Variants in NALF1 observed in about 807,000 individuals in gnomAD.
The protein encoded by NALF1 is family with sequence similarity 155 member A.
NALF1 carries 3 observed loss-of-function variants against 48.4 expected under a neutral mutation model. The ratio of observed to expected loss-of-function variants is 0.06; its 90% CI spans 0.03 to 0.16. The LOEUF is 0.16. NALF1 is among the 10% of genes least tolerant of loss of function. The probability of loss-of-function intolerance (pLI) is 1.00; values close to 1 mark genes in which losing one functional copy is unlikely to be tolerated. For missense variants in NALF1, 526 were observed against 571.5 expected (o/e 0.92, Z 0.81); for synonymous variants, 262 against 245.7 (o/e 1.07, Z -0.62).
In NALF1 at chr13:107,170,610, G is replaced by T; in HGVS notation, c.1264C>A (p.Leu422Ile). 7 of 1,614,218 alleles carry T rather than the reference G, an allele frequency of 4.3e-6. No homozygotes were observed. The highest frequency in any genetic ancestry group is 5.9e-6 in the Non-Finnish European group (7 of 1,180,040). ...LCNSRLKLCV[L>I]VLILLHTVLT... ...ACTGTGTGTAAGAGAATCAGTACAA[G>T]AACACACAGCTTGAGTCTGCTGTTG... The change falls in exon 3 of 3, where the codon CTT (leucine) becomes ATT (isoleucine). Residue 422 changes from leucine (L) to isoleucine (I), a missense_variant. Leu to Ile is a conservative substitution (Grantham distance 5). This residue lies in a region of NALF1 where 153 missense variants were observed against 215.9 expected (regional missense o/e 0.71). Coordinates refer to ENST00000375915, the MANE Select transcript of NALF1 (RefSeq NM_001080396.3).
At chr13:107,694,882 T>A (rs971793066) in intron 1 of NALF1, among the ~76,000 whole-genome samples, 1 of 151,902 alleles carries the variant, frequency 6.6e-6, no homozygotes, top group African/African-American at 2.4e-5. Context: ...AACCTCTGCC[T>A]CCCAGGTTCA....
chr13:107,852,848 T>C (rs987192763), intron 1 of NALF1, among the ~76,000 whole-genome samples: 2 of 152,204 alleles, frequency 1.3e-5, no homozygotes, highest in African/African-American at 2.4e-5. Context: ...ACAATGGAGA[T>C]AGCATTCCAC....
intron 1 of NALF1, among the ~76,000 whole-genome samples, chr13:107,437,930 T>G (rs1378804894): frequency 6.6e-6 from 1 of 152,216 alleles, no homozygotes; most frequent in African/African-American, 2.4e-5. Flanking sequence ...AGTATACTGA[T>G]GTCAGTTTGA....
intron 1 of NALF1, among the ~76,000 whole-genome samples, chr13:107,354,090 T>C (rs1458742037): frequency 6.6e-6 from 1 of 151,950 alleles, no homozygotes; most frequent in Non-Finnish European, 1.5e-5. Flanking sequence ...GCCCTAATTC[T>C]TCAACTACAA....
At chr13:107,526,546 A>G (rs1876450525) in intron 1 of NALF1, among the ~76,000 whole-genome samples, 1 of 152,146 alleles carries the variant, frequency 6.6e-6, no homozygotes, top group Admixed American at 6.5e-5. Flanking sequence ...TAGAGGATTG[A>G]GTTGCATTCT....
Position 107,274,443 on chromosome 13 carries a change from T to C in NALF1, c.916-63688A>G, listed in dbSNP as rs77793113. On this transcript the variant is annotated intron_variant, in intron 1 of 2. Transcript: ENST00000375915. ...TTTTTAAATTACTTGGGCATGGCAG[T>C]GCCAACTCCATGGGAAGTTCAGGCA... is the stretch of plus-strand genomic sequence containing the variant. 7.5e-3 allele frequency among the ~76,000 whole-genome samples: 1,147 copies of C among 152,248 alleles called. 12 individuals are homozygous for C. Among genetic ancestry groups the C allele is most frequent in the African/African-American group, 0.026 (1,086 of 41,548 alleles).
intron 1 of NALF1, among the ~76,000 whole-genome samples, chr13:107,479,942 T>A (rs1166911024): frequency 6.6e-6 from 1 of 152,056 alleles, no homozygotes; most frequent in African/African-American, 2.4e-5. Context: ...TTTACCTTCA[T>A]GAAAAGTGGT....
At chr13:107,448,773 T>C (rs139339565) in intron 1 of NALF1, among the ~76,000 whole-genome samples, 209 of 152,328 alleles carry the variant, frequency 1.4e-3, no homozygotes, top group Non-Finnish European at 1.8e-3. Context: ...AGTGGCACAA[T>C]AGATATACAA....
At chr13:107,228,029 T>G (rs1178152776) in intron 1 of NALF1, among the ~76,000 whole-genome samples, 1 of 152,224 alleles carries the variant, frequency 6.6e-6, no homozygotes, top group Non-Finnish European at 1.5e-5. Context: ...ACTAAATATG[T>G]TATGTAAAGA....
intron 1 of NALF1, among the ~76,000 whole-genome samples, chr13:107,401,628 G>C (rs1223879610): frequency 6.6e-6 from 1 of 151,744 alleles, no homozygotes; most frequent in African/African-American, 2.4e-5. Flanking sequence ...ACAATATTGT[G>C]CATTTCTAAA....
chr13:107,843,592 C>T (rs914838196), intron 1 of NALF1, among the ~76,000 whole-genome samples: 12 of 152,126 alleles, frequency 7.9e-5, no homozygotes, highest in African/African-American at 2.9e-4. Flanking sequence ...AGTGCTTCCC[C>T]TGGTAAAAGT....
intron 1 of NALF1, among the ~76,000 whole-genome samples, chr13:107,829,078 T>C (rs1415675407): frequency 1.3e-5 from 2 of 152,132 alleles, no homozygotes; most frequent in Admixed American, 6.5e-5. Context: ...TTTCATATTA[T>C]AGCTAGCCAA....
intron 1 of NALF1, among the ~76,000 whole-genome samples, chr13:107,764,952 A>G (rs1877381087): frequency 6.6e-6 from 1 of 152,190 alleles, no homozygotes; most frequent in South Asian, 2.1e-4. Flanking sequence ...TACGTGGGTT[A>G]CTTTATGCAT....
intron 1 of NALF1, among the ~76,000 whole-genome samples, chr13:107,512,579 G>T (rs896031212): frequency 2.0e-5 from 3 of 152,092 alleles, no homozygotes; most frequent in Non-Finnish European, 4.4e-5. Flanking sequence ...AGCAGCTGTG[G>T]CACAGCTCCA....
rs183246449 is a variant in NALF1, at chr13:107,560,951, G to A, written c.915+304731C>T. On this transcript the variant is annotated intron_variant, in intron 1 of 2. Transcript: ENST00000375915. ...CCTAATACCACCCACCATTAACCCC[G>A]TATGTTTTCCAAAAAACAATTTTTA... 7.4e-3 allele frequency among the ~76,000 whole-genome samples: 1,120 copies of A among 152,122 alleles called. 15 individuals carry two copies. The highest frequency in any genetic ancestry group is 0.026 in the African/African-American group (1,075 of 41,514).
In NALF1 at chr13:107,371,517, A is replaced by T. The variant is rs142107920; in HGVS notation, c.916-160762T>A. On this transcript the variant is annotated intron_variant, in intron 1 of 2. Coordinates refer to ENST00000375915, the MANE Select transcript of NALF1 (RefSeq NM_001080396.3). ...CATCACAGTGAAAACCCCAAATATA[A>T]AACAGCAAAGGTGGTACTTCATTAG... 1.4e-3 allele frequency among the ~76,000 whole-genome samples: 217 copies of T among 152,286 alleles called. 2 individuals carry two copies. The highest frequency in any genetic ancestry group is 4.9e-3 in the African/African-American group (203 of 41,570).
chr13:107,612,851 C>T (rs914262545), intron 1 of NALF1, among the ~76,000 whole-genome samples: 1 of 152,006 alleles, frequency 6.6e-6, no homozygotes, highest in African/African-American at 2.4e-5. Flanking sequence ...AATAAATCTC[C>T]CTTTCTCTCA....
intron 1 of NALF1, among the ~76,000 whole-genome samples, chr13:107,733,875 T>A (rs775124801): frequency 3.9e-5 from 6 of 152,192 alleles, no homozygotes; most frequent in Non-Finnish European, 7.4e-5. Flanking sequence ...AAGGAGGATA[T>A]GAACTGGGAA....
intron 1 of NALF1, among the ~76,000 whole-genome samples, chr13:107,290,110 G>T (rs983921582): frequency 1.4e-5 from 2 of 148,118 alleles, no homozygotes; most frequent in African/African-American, 5.0e-5. Context: ...TTAAGCTTTT[G>T]AATTTGCTAA....
Sources: allele counts gnomAD v4.1 joint callset (sites outside exome capture counted in the v4.1 genomes callset), GRCh38; gene constraint gnomAD v4.1.1; regional missense constraint gnomAD v4.1.1; transcripts MANE v1.5; gene names NCBI Gene and HGNC (gene_info 2026-07-23, HGNC 2026-07-21).